The following KCNH8 variants were observed in gnomAD, a reference collection of about 807,000 sequenced individuals.
The protein encoded by KCNH8 is voltage-gated delayed rectifier potassium channel KCNH8.
In KCNH8, 70 loss-of-function variants were observed where a neutral mutation model predicts 103.6. The ratio of observed to expected loss-of-function variants is 0.68; its 90% confidence interval spans 0.56 to 0.82. The LOEUF (loss-of-function observed/expected upper bound fraction) is 0.82. KCNH8 is among the 40% of genes least tolerant of loss of function. The probability of loss-of-function intolerance (pLI) is 0.00; values close to 1 mark genes in which losing one functional copy is unlikely to be tolerated. For missense variants in KCNH8, 1,217 were observed against 1,329.9 expected (o/e 0.92, Z 1.32); for synonymous variants, 498 against 489.4 (o/e 1.02, Z -0.23).
intron 11 of KCNH8, among the ~76,000 whole-genome samples, chr3:19,485,877 G>A (rs538837254): frequency 2.6e-5 from 4 of 152,286 alleles, no homozygotes; most frequent in African/African-American, 9.6e-5. Flanking sequence ...GATATTTTAT[G>A]TCCTTTCCCC....
chr3:19,478,945 C>T (rs146088190), intron 11 of KCNH8, among the ~76,000 whole-genome samples: 2 of 152,224 alleles, frequency 1.3e-5, no homozygotes, highest in African/African-American at 4.8e-5. Flanking sequence ...AACTGCTGGA[C>T]ATATAACACT....
chr3:19,215,620 T>C (rs1238516545), intron 1 of KCNH8, among the ~76,000 whole-genome samples: 1 of 152,352 alleles, frequency 6.6e-6, no homozygotes, highest in East Asian at 1.9e-4. Flanking sequence ...CAGATCCCTT[T>C]GGGGATTTCT....
At chr3:19,229,738 T>A (rs2063971745) in intron 1 of KCNH8, among the ~76,000 whole-genome samples, 2 of 152,214 alleles carry the variant, frequency 1.3e-5, no homozygotes, top group Admixed American at 1.3e-4. Context: ...ACTATCAGCA[T>A]TTTTGTCAAA....
chr3:19,200,989 T>G (rs2063652968), intron 1 of KCNH8, among the ~76,000 whole-genome samples: 1 of 151,786 alleles, frequency 6.6e-6, no homozygotes, highest in Admixed American at 6.6e-5. Flanking sequence ...CCCAGCACTT[T>G]GGGAGGCTGA....
chr3:19,161,470 C>T (rs1298672203), intron 1 of KCNH8, among the ~76,000 whole-genome samples: 4 of 152,018 alleles, frequency 2.6e-5, no homozygotes, highest in East Asian at 1.9e-4. Context: ...AATGAAGCAC[C>T]AGTGATTAAT....
intron 2 of KCNH8, among the ~76,000 whole-genome samples, chr3:19,262,816 T>G (rs1236343863): frequency 6.6e-6 from 1 of 152,004 alleles, no homozygotes; most frequent in Non-Finnish European, 1.5e-5. Context: ...AGGCTTGAGA[T>G]CACACAAAAT....
At chr3:19,471,770 C>G (rs1211616999) in intron 11 of KCNH8, among the ~76,000 whole-genome samples, 1 of 152,152 alleles carries the variant, frequency 6.6e-6, no homozygotes, top group Non-Finnish European at 1.5e-5. Context: ...CCAGTTGAAA[C>G]TTAGTATAAG....
Position 19,174,625 on chromosome 3 carries a change from A to G in KCNH8, c.76+25830A>G, listed in dbSNP as rs190155741. 3.4e-3 allele frequency among the ~76,000 whole-genome samples: 516 copies of G among 152,290 alleles called. 3 individuals carry two copies. Among genetic ancestry groups the G allele is most frequent in the Middle Eastern group, 6.8e-3 (2 of 294 alleles). ...AAGTTTTTAGTGAGTTTATTTCTGCATTGTGTCTGAAAACATGTTCTTTAT... is the reference window on the plus strand; with the variant it reads ...AAGTTTTTAGTGAGTTTATTTCTGCGTTGTGTCTGAAAACATGTTCTTTAT... On this transcript the variant is annotated intron_variant, in intron 1 of 15. Coordinates refer to ENST00000328405, the MANE Select transcript of KCNH8 (RefSeq NM_144633.3).
intron 1 of KCNH8, among the ~76,000 whole-genome samples, chr3:19,198,488 A>G (rs113040658): frequency 0.02 from 2,987 of 152,224 alleles, 96 homozygotes; most frequent in African/African-American, 0.066. Context: ...CGTTTAAAAA[A>G]AAGATTTGGA....
rs575892713 is a variant in KCNH8 at position 19,245,627 on chromosome 3, C to T, written c.77-8027C>T. Among the ~76,000 whole-genome samples, 3 of 152,222 alleles carry T rather than the reference C, an allele frequency of 2.0e-5. No homozygotes were observed. The East Asian group carries it at 5.8e-4, about 29-fold the overall frequency. On this transcript the variant is annotated intron_variant, in intron 1 of 15. Transcript: ENST00000328405. The stretch of plus-strand genomic sequence containing the variant: ...TATTTATATCATCTCTGATTTCTTT[C>T]AGCCAAATTTTATGGTAGAGATTTT...
chr3:19,232,957 T>G (rs1018534941), intron 1 of KCNH8, among the ~76,000 whole-genome samples: 4 of 152,200 alleles, frequency 2.6e-5, no homozygotes, highest in Non-Finnish European at 4.4e-5. Flanking sequence ...TTTCTATGAT[T>G]CAACCTAAAT....
intron 1 of KCNH8, among the ~76,000 whole-genome samples, chr3:19,196,547 C>G (rs1048327149): frequency 2.0e-5 from 3 of 151,854 alleles, no homozygotes; most frequent in Non-Finnish European, 4.4e-5. Flanking sequence ...GGTCTCTGTA[C>G]TGTTTATTGT....
At chr3:19,362,249 C>A (rs2065956915) in intron 5 of KCNH8, among the ~76,000 whole-genome samples, 1 of 152,142 alleles carries the variant, frequency 6.6e-6, no homozygotes, top group Middle Eastern at 3.4e-3. Context: ...AAATAAAAAT[C>A]CAAATAAGCT....
chr3:19,465,860 G>A (rs1433940306), intron 11 of KCNH8, among the ~76,000 whole-genome samples: 1 of 152,106 alleles, frequency 6.6e-6, no homozygotes, highest in African/African-American at 2.4e-5. Context: ...TAGAAGTGGA[G>A]CCTGAAGATG....
At chr3:19,526,212 T>C (rs1283223801) in intron 15 of KCNH8, among the ~76,000 whole-genome samples, 1 of 151,812 alleles carries the variant, frequency 6.6e-6, no homozygotes, top group African/African-American at 2.4e-5. Flanking sequence ...TTGGCAAAAA[T>C]TGAGTGACAG....
intron 5 of KCNH8, among the ~76,000 whole-genome samples, chr3:19,383,380 A>AT (rs60188168): frequency 0.023 from 3,424 of 146,810 alleles, 137 homozygotes; most frequent in African/African-American, 0.076. Flanking sequence ...GTGTTCGTTA[A>AT]TTTTTTTTTT....
chr3:19,493,681 G>A (rs1223220840), intron 11 of KCNH8, among the ~76,000 whole-genome samples: 1 of 152,028 alleles, frequency 6.6e-6, no homozygotes, highest in Non-Finnish European at 1.5e-5. Context: ...GTTTTCAAGG[G>A]GAAGGGTTTT....
intron 1 of KCNH8, among the ~76,000 whole-genome samples, chr3:19,176,895 TCAAA>T (rs2063405097): frequency 6.6e-6 from 1 of 152,154 alleles, no homozygotes; most frequent in African/African-American, 2.4e-5. Flanking sequence ...AATAATTTTG[TCAAA>T]CAATCAATAC....
intron 7 of KCNH8, among the ~76,000 whole-genome samples, chr3:19,408,295 G>A (rs889807578): frequency 6.6e-6 from 1 of 152,100 alleles, no homozygotes; most frequent in East Asian, 1.9e-4. Context: ...CCCCTAGGGT[G>A]GAAGGGGAAG....
Sources: allele counts gnomAD v4.1 joint callset (sites outside exome capture counted in the v4.1 genomes callset), GRCh38; gene constraint gnomAD v4.1.1; transcripts MANE v1.5; gene names NCBI Gene and HGNC (gene_info 2026-07-23, HGNC 2026-07-21).